The following UNC5C variants were observed in gnomAD, a reference collection of about 807,000 sequenced individuals.
UNC5C encodes unc-5 netrin receptor C.
Under a neutral mutation model 99.8 loss-of-function variants are expected in UNC5C, and 47 were observed. That is an observed-to-expected ratio of 0.47 (90% CI 0.37 to 0.60). UNC5C has a LOEUF of 0.60. Ranked by LOEUF, UNC5C falls within the 20% of genes least tolerant of loss-of-function variation. The pLI, the probability that UNC5C is intolerant of heterozygous loss-of-function variation, is 0.00. For missense variants in UNC5C, 1,062 were observed against 1,165.9 expected (o/e 0.91, Z 1.30); for synonymous variants, 487 against 452.2 (o/e 1.08, Z -0.98).
chr4:95,257,581 G>A (rs139722875), intron 4 of UNC5C, among the ~76,000 whole-genome samples: 18 of 152,290 alleles, frequency 1.2e-4, no homozygotes, highest in African/African-American at 1.9e-4. Flanking sequence ...ACCCATTTAC[G>A]GAGCAGGGAT....
intron 1 of UNC5C, among the ~76,000 whole-genome samples, chr4:95,546,001 C>A (rs935793630): frequency 1.3e-5 from 2 of 152,214 alleles, no homozygotes; most frequent in African/African-American, 4.8e-5. Flanking sequence ...AGTACACTCA[C>A]AAATAATGCC....
chr4:95,382,855 A>C (rs1299545366), intron 1 of UNC5C, among the ~76,000 whole-genome samples: 1 of 152,184 alleles, frequency 6.6e-6, no homozygotes, highest in African/African-American at 2.4e-5. Context: ...TTAGCTGTCA[A>C]ATGCTCCATT....
At position 95,218,939 on chromosome 4, in the gene UNC5C, C is replaced by G. The variant is rs772152654; in HGVS notation, c.1645+30G>C. On this transcript the variant is annotated intron_variant, in intron 9 of 15. Coordinates refer to ENST00000453304, the MANE Select transcript of UNC5C (RefSeq NM_003728.4). Reference sequence around the variant, plus strand: ...TATGGAAAAATATGTTTCAAGCTGCCTCTTTGCAATTTAAACCTCTAGGAA... The same window carrying G: ...TATGGAAAAATATGTTTCAAGCTGCGTCTTTGCAATTTAAACCTCTAGGAA... The G allele has an allele frequency of 1.9e-6, 3 of 1,542,786 alleles. No homozygotes were observed. In the African/African-American group the frequency reaches 4.1e-5, roughly 21 times the overall value.
chr4:95,515,417 C>T (rs919014306), intron 1 of UNC5C, among the ~76,000 whole-genome samples: 14 of 152,090 alleles, frequency 9.2e-5, no homozygotes, highest in Admixed American at 3.3e-4. Flanking sequence ...ATCTGCACAG[C>T]CCTATAGTCT....
intron 1 of UNC5C, among the ~76,000 whole-genome samples, chr4:95,429,134 A>T (rs1746562391): frequency 6.6e-6 from 1 of 152,114 alleles, no homozygotes; most frequent in Non-Finnish European, 1.5e-5. Flanking sequence ...TTGCTAATCA[A>T]GGCCTCTTCT....
intron 4 of UNC5C, among the ~76,000 whole-genome samples, chr4:95,257,624 G>T (rs1334547610): frequency 1.3e-5 from 2 of 152,180 alleles, no homozygotes; most frequent in Non-Finnish European, 2.9e-5. Context: ...GGGTAGAAAG[G>T]ATAATGATTC....
chr4:95,193,847 C>T (rs1179024108), intron 12 of UNC5C, among the ~76,000 whole-genome samples: 1 of 152,210 alleles, frequency 6.6e-6, no homozygotes, highest in Non-Finnish European at 1.5e-5. Flanking sequence ...TGGAGAACAT[C>T]TGACTGTCAG....
At position 95,239,533 on chromosome 4, in the gene UNC5C, C is replaced by T. The variant is rs189326366; in HGVS notation, c.1108+2896G>A. 1.5e-3 allele frequency among the ~76,000 whole-genome samples: 223 copies of T among 152,268 alleles called. 1 individual carries two copies. Among genetic ancestry groups the T allele is most frequent in the African/African-American group, 5.2e-3 (215 of 41,550 alleles). ...GATTTCCAGTCCCCGGGACCCATGT[C>T]CATATCCAGCTCCCCGCTCCTGGTT... is the stretch of plus-strand genomic sequence containing the variant. On this transcript the variant is annotated intron_variant, in intron 7 of 15. Coordinates refer to ENST00000453304, the MANE Select transcript of UNC5C (RefSeq NM_003728.4).
At chr4:95,406,924 T>A (rs963593121) in intron 1 of UNC5C, among the ~76,000 whole-genome samples, 1 of 152,204 alleles carries the variant, frequency 6.6e-6, no homozygotes, top group Admixed American at 6.5e-5. Context: ...AAAATCAAAA[T>A]AATTCAGTGG....
chr4:95,406,450 T>C (rs989315961), intron 1 of UNC5C, among the ~76,000 whole-genome samples: 2 of 152,190 alleles, frequency 1.3e-5, no homozygotes, highest in South Asian at 4.1e-4. Flanking sequence ...AAAGTTATTG[T>C]TTGATTCCAT....
chr4:95,518,051 AT>A (rs1336772893), intron 1 of UNC5C, among the ~76,000 whole-genome samples: 1 of 152,158 alleles, frequency 6.6e-6, no homozygotes, highest in Admixed American at 6.5e-5. Flanking sequence ...TTTTTCCTTA[AT>A]GAGGAGAAAA....
intron 7 of UNC5C, among the ~76,000 whole-genome samples, chr4:95,235,612 T>A (rs375622867): frequency 1.3e-5 from 2 of 152,334 alleles, no homozygotes; most frequent in African/African-American, 4.8e-5. Flanking sequence ...TTTTTATGGT[T>A]TTAGGTCTAA....
intron 1 of UNC5C, among the ~76,000 whole-genome samples, chr4:95,441,423 C>T (rs148127524): frequency 0.011 from 1,629 of 152,180 alleles, 29 homozygotes; most frequent in African/African-American, 0.037. Context: ...TAATGAATAA[C>T]GAAGGAGGAC....
intron 1 of UNC5C, among the ~76,000 whole-genome samples, chr4:95,403,686 C>A (rs1745760276): frequency 6.6e-6 from 1 of 152,224 alleles, no homozygotes; most frequent in Non-Finnish European, 1.5e-5. Context: ...CCATCTCTAT[C>A]TGGCTTACTC....
intron 4 of UNC5C, among the ~76,000 whole-genome samples, chr4:95,262,964 G>A (rs1281968922): frequency 6.6e-6 from 1 of 151,966 alleles, no homozygotes; most frequent in Non-Finnish European, 1.5e-5. Flanking sequence ...ACAGGCATGT[G>A]CCATCATGCC....
At chr4:95,278,102 CCAAT>C (rs1237227496) in intron 4 of UNC5C, among the ~76,000 whole-genome samples, 153 bp downstream of exon 4, 3 of 152,158 alleles carry the variant, frequency 2.0e-5, no homozygotes, top group Admixed American at 1.3e-4. Flanking sequence ...TAATCAGTTC[CCAAT>C]CAATCTATTT....
chr4:95,537,447 T>C (rs550018034), intron 1 of UNC5C, among the ~76,000 whole-genome samples: 3 of 152,326 alleles, frequency 2.0e-5, no homozygotes, highest in Admixed American at 6.5e-5. Context: ...TACTGCCCTG[T>C]TCTCAACACA....
intron 1 of UNC5C, among the ~76,000 whole-genome samples, chr4:95,536,623 A>C (rs1028324590): frequency 6.6e-6 from 1 of 152,214 alleles, no homozygotes; most frequent in Non-Finnish European, 1.5e-5. Context: ...ATACAATGAC[A>C]TTCTTTATTC....
chr4:95,533,581 ATAATT>A (rs1487200200), intron 1 of UNC5C, among the ~76,000 whole-genome samples: 3 of 152,142 alleles, frequency 2.0e-5, no homozygotes, highest in Admixed American at 6.5e-5. Context: ...ACTCCAGGAA[ATAATT>A]TAATTCTTTA....
Sources: allele counts gnomAD v4.1 joint callset (sites outside exome capture counted in the v4.1 genomes callset), GRCh38; gene constraint gnomAD v4.1.1; transcripts MANE v1.5; gene names NCBI Gene and HGNC (gene_info 2026-07-23, HGNC 2026-07-21).